Variants in ANKRD30B observed in about 807,000 individuals in gnomAD.
ANKRD30B encodes the protein ankyrin repeat domain 30B.
Under a neutral mutation model 202.2 loss-of-function variants are expected in ANKRD30B, and 144 were observed. The observed-to-expected ratio is 0.71, with a 90% CI of 0.62 to 0.82. The LOEUF is 0.82. Among genes scored for constraint, ANKRD30B ranks in the 40% least tolerant of loss-of-function variants. The probability of loss-of-function intolerance (pLI) is 0.00; values close to 1 mark genes in which losing one functional copy is unlikely to be tolerated. For synonymous variants in ANKRD30B, 508 were observed against 561.3 expected (o/e 0.91, Z 1.34); for missense variants, 1,487 against 1,669.1 (o/e 0.89, Z 1.90).
At chr18:14,754,590 A>G (rs933492938) in intron 3 of ANKRD30B, among the ~76,000 whole-genome samples, 1 of 152,154 alleles carries the variant, frequency 6.6e-6, no homozygotes, top group Non-Finnish European at 1.5e-5. Flanking sequence ...GTTTAAGGAT[A>G]TAGAGATAAA....
At chr18:14,835,733 T>C (rs1310610159) in intron 34 of ANKRD30B, among the ~76,000 whole-genome samples, 3 of 151,862 alleles carry the variant, frequency 2.0e-5, no homozygotes, top group Non-Finnish European at 4.4e-5. Context: ...GCTAGTATTA[T>C]ATTGTTTCAT....
At chr18:14,873,802 A>G in the ANKRD30B span, among the ~76,000 whole-genome samples, 1 of 152,198 alleles carries the variant, frequency 6.6e-6, no homozygotes, top group African/African-American at 2.4e-5. Flanking sequence ...CTCTGTGGGC[A>G]GCAGAGAACC....
the ANKRD30B span, among the ~76,000 whole-genome samples, chr18:14,883,339 CTCTCTCTCTT>C: frequency 2.0e-5 from 3 of 147,708 alleles, no homozygotes; most frequent in East Asian, 6.0e-4. Context: ...CTCTCTGTCT[CTCTCTCTCTT>C]TCTCTCTCTC....
chr18:14,796,004 A>G (rs1173741183), intron 16 of ANKRD30B, among the ~76,000 whole-genome samples: 1 of 152,128 alleles, frequency 6.6e-6, no homozygotes, highest in Non-Finnish European at 1.5e-5. Context: ...AAATCTCCAT[A>G]GCAAGTTTGA....
chr18:14,912,059 T>C, the ANKRD30B span, among the ~76,000 whole-genome samples: 1 of 152,216 alleles, frequency 6.6e-6, no homozygotes, highest in Non-Finnish European at 1.5e-5. Flanking sequence ...GATCATATTA[T>C]CAGTGAATAG....
At chr18:14,922,939 G>GT in the ANKRD30B span, among the ~76,000 whole-genome samples, 1 of 152,136 alleles carries the variant, frequency 6.6e-6, no homozygotes, top group Non-Finnish European at 1.5e-5. Flanking sequence ...CTCAGCCACA[G>GT]TAGAATAGGA....
the ANKRD30B span, among the ~76,000 whole-genome samples, chr18:14,894,836 T>G: frequency 7.0e-6 from 1 of 143,424 alleles, no homozygotes; most frequent in Middle Eastern, 3.5e-3. Flanking sequence ...AATATATCAA[T>G]ATATCCAACA....
chr18:14,807,807 C>G (rs750117632), intron 24 of ANKRD30B, among the ~76,000 whole-genome samples: 2 of 151,026 alleles, frequency 1.3e-5, no homozygotes, highest in Non-Finnish European at 3.0e-5. Flanking sequence ...TCTGGAGATA[C>G]AGGCATGAGC....
intron 7 of ANKRD30B, among the ~76,000 whole-genome samples, chr18:14,766,472 C>A (rs1391631184): frequency 2.5e-4 from 14 of 55,608 alleles, no homozygotes; most frequent in South Asian, 1.3e-3. Context: ...GACTCCATCT[C>A]AAAAAAAAAA....
chr18:14,869,726 C>T, the ANKRD30B span, among the ~76,000 whole-genome samples: 1 of 150,912 alleles, frequency 6.6e-6, no homozygotes, highest in South Asian at 2.1e-4. Flanking sequence ...GTTTTCATGT[C>T]TTACCTTTTA....
rs760214190 is a variant in ANKRD30B, at chr18:14,752,820, C to G, written c.337-19C>G. 14 of 1,597,768 alleles carry G rather than the reference C, an allele frequency of 8.8e-6. No homozygotes were observed. In the East Asian group the frequency reaches 2.7e-4, roughly 31 times the overall value. On this transcript the variant is annotated intron_variant, in intron 2 of 43. Transcript: ENST00000690538. ...ATTTCCTATAATTTATAATGTACTT[C>G]TTGCTTTAATACTGACAGGCTCTAC...
chr18:14,879,832 G>A, the ANKRD30B span, among the ~76,000 whole-genome samples: 60,101 of 151,804 alleles, frequency 0.4, 13,440 homozygotes, highest in East Asian at 0.58. Context: ...CCACTTTGTG[G>A]GTTGTCTACT....
the ANKRD30B span, among the ~76,000 whole-genome samples, chr18:14,867,883 C>T: frequency 2.1e-4 from 32 of 152,362 alleles, no homozygotes; most frequent in African/African-American, 7.0e-4. Flanking sequence ...AACACTGTCA[C>T]TTTCTGCATC....
chr18:14,777,237 G>A (rs1447352551), intron 9 of ANKRD30B, among the ~76,000 whole-genome samples: 1 of 152,028 alleles, frequency 6.6e-6, no homozygotes, highest in Non-Finnish European at 1.5e-5. Context: ...GAAATGTTTT[G>A]GTTTTCAATA....
rs557495279 is a variant in ANKRD30B, at chr18:14,794,731, C to G, written c.1826-1490C>G. On this transcript the variant is annotated intron_variant, in intron 16 of 43. Transcript: ENST00000690538. ...TGCAACACGGTCATGCATATTTAGC[C>G]TTAAATCGCTTGGACATAAATTGTG... Among the ~76,000 whole-genome samples the G allele has an allele frequency of 3.2e-4, 48 of 152,200 alleles. No homozygotes were observed. In the South Asian group the frequency reaches 9.3e-3, roughly 30 times the overall value.
intron 14 of ANKRD30B, among the ~76,000 whole-genome samples, chr18:14,785,576 A>G (rs756807187): frequency 6.6e-6 from 1 of 152,238 alleles, no homozygotes; most frequent in African/African-American, 2.4e-5. Flanking sequence ...GTGCAATCAT[A>G]CATTCCACTA....
chr18:14,851,456 A>C, intron 41 of ANKRD30B, 53 bp from the exon 42 acceptor site: 1 of 1,451,112 alleles, frequency 6.9e-7, no homozygotes, highest in Non-Finnish European at 9.1e-7. Context: ...CAGAGGAACT[A>C]TGATATGCCA....
At chr18:14,823,693 G>C (rs1598680513) in intron 32 of ANKRD30B, among the ~76,000 whole-genome samples, 1 of 152,126 alleles carries the variant, frequency 6.6e-6, no homozygotes, top group African/African-American at 2.4e-5. Flanking sequence ...GTTACAACAG[G>C]CTGTGCATGG....
the ANKRD30B span, among the ~76,000 whole-genome samples, chr18:14,872,260 C>G: frequency 6.6e-6 from 1 of 152,098 alleles, no homozygotes; most frequent in Non-Finnish European, 1.5e-5. Flanking sequence ...AAAGAGAGAG[C>G]CTGATTTGTT....
Sources: allele counts gnomAD v4.1 joint callset (sites outside exome capture counted in the v4.1 genomes callset), GRCh38; gene constraint gnomAD v4.1.1; transcripts MANE v1.5; gene names NCBI Gene and HGNC (gene_info 2026-07-23, HGNC 2026-07-21).